The following CDH18 variants were observed in gnomAD, a reference collection of about 807,000 sequenced individuals.
The protein encoded by CDH18 is cadherin-18.
CDH18 carries 31 observed loss-of-function variants against 67.9 expected under a neutral mutation model. The ratio of observed to expected loss-of-function variants is 0.46; its 90% CI spans 0.34 to 0.62. CDH18 has a LOEUF of 0.62. Among genes scored for constraint, CDH18 ranks in the 20% least tolerant of loss-of-function variants. CDH18 has a pLI of 0.01. For synonymous variants in CDH18, 362 were observed against 347.2 expected, an observed-to-expected ratio of 1.04 and a Z score of -0.48; for missense variants, 890 against 975.5, an observed-to-expected ratio of 0.91 and a Z score of 1.17.
chr5:20,110,432 C>T (rs1747362902), intron 2 of CDH18, among the ~76,000 whole-genome samples: 1 of 148,720 alleles, frequency 6.7e-6, no homozygotes, highest in African/African-American at 2.5e-5. Context: ...TGTGTAATCC[C>T]AGCACTTTGG....
At chr5:19,674,380 T>C (rs1473334043) in intron 5 of CDH18, among the ~76,000 whole-genome samples, 1 of 152,168 alleles carries the variant, frequency 6.6e-6, no homozygotes, top group Non-Finnish European at 1.5e-5. Flanking sequence ...CCACAATTTA[T>C]CTAAATGTTT....
chr5:20,562,546 T>C lies in CDH18; in HGVS notation c.-580+12916A>G, dbSNP rs939974990. On this transcript the variant is annotated intron_variant, in intron 1 of 14. Coordinates refer to the CDH18 transcript ENST00000507958. ...TGTGTTTCACCTGCATTTAGTATTA[T>C]GATGTTAAACAGAATTAACTAGAAC... Among the ~76,000 whole-genome samples, 3 of 151,708 alleles carry C rather than the reference T, an allele frequency of 2.0e-5. No homozygotes were observed. The East Asian group carries it at 5.8e-4, about 29-fold the overall frequency.
At chr5:20,521,891 A>G (rs1383451622) in intron 1 of CDH18, among the ~76,000 whole-genome samples, 1 of 152,196 alleles carries the variant, frequency 6.6e-6, no homozygotes, top group African/African-American at 2.4e-5. Flanking sequence ...AAACCTGAAA[A>G]AAAACCCTCT....
intron 1 of CDH18, among the ~76,000 whole-genome samples, chr5:20,508,412 T>G (rs1754799503): frequency 6.7e-6 from 1 of 148,654 alleles, no homozygotes; most frequent in Non-Finnish European, 1.5e-5. Context: ...TAGTAGTATA[T>G]TATATCCTTT....
intron 2 of CDH18, among the ~76,000 whole-genome samples, chr5:20,173,158 T>C (rs185829232): frequency 1.3e-5 from 2 of 152,170 alleles, no homozygotes; most frequent in African/African-American, 4.8e-5. Flanking sequence ...GGAACCCCCA[T>C]GGCTGCTGCC....
chr5:19,910,469 C>A (rs1023882450), intron 2 of CDH18, among the ~76,000 whole-genome samples: 4 of 152,140 alleles, frequency 2.6e-5, no homozygotes, highest in Non-Finnish European at 1.5e-5. Flanking sequence ...TAGCTCTATT[C>A]AGTTGTACCC....
At chr5:19,769,749 A>T (rs1006765058) in intron 3 of CDH18, among the ~76,000 whole-genome samples, 7 of 152,074 alleles carry the variant, frequency 4.6e-5, no homozygotes, top group African/African-American at 1.4e-4. Context: ...TAGATAAATT[A>T]TATACATTAA....
At chr5:19,935,236 T>C (rs1794108672) in intron 2 of CDH18, among the ~76,000 whole-genome samples, 1 of 151,192 alleles carries the variant, frequency 6.6e-6, no homozygotes, top group Admixed American at 6.6e-5. Flanking sequence ...TGTCCCAACT[T>C]GGAAAGATGA....
chr5:19,691,114 T>C (rs893517393), intron 5 of CDH18, among the ~76,000 whole-genome samples: 3 of 152,000 alleles, frequency 2.0e-5, no homozygotes, highest in South Asian at 2.1e-4. Context: ...CAAGCACCGA[T>C]TGTTTAACAT....
chr5:20,182,555 T>G (rs1308244670), intron 2 of CDH18, among the ~76,000 whole-genome samples: 1 of 125,626 alleles, frequency 8.0e-6, no homozygotes, highest in Non-Finnish European at 1.6e-5. Context: ...TGAGCCAAGA[T>G]CATGCCATTG....
At chr5:19,836,750 A>C (rs1781689340) in intron 3 of CDH18, among the ~76,000 whole-genome samples, 1 of 152,134 alleles carries the variant, frequency 6.6e-6, no homozygotes, top group East Asian at 1.9e-4. Context: ...GCCCACGCCT[A>C]CATCCTGAAT....
chr5:20,347,540 G>T (rs1740800752), intron 1 of CDH18, among the ~76,000 whole-genome samples: 2 of 152,218 alleles, frequency 1.3e-5, no homozygotes, highest in Non-Finnish European at 2.9e-5. Flanking sequence ...CACCTAAACT[G>T]CCTATGCAGC....
At chr5:20,435,776 T>C (rs891271259) in intron 1 of CDH18, among the ~76,000 whole-genome samples, 1 of 152,008 alleles carries the variant, frequency 6.6e-6, no homozygotes, top group Non-Finnish European at 1.5e-5. Context: ...TTTAAGATAC[T>C]TAACTGTCAC....
intron 2 of CDH18, among the ~76,000 whole-genome samples, chr5:19,865,434 G>A (rs928469094): frequency 3.3e-5 from 5 of 152,042 alleles, no homozygotes; most frequent in Non-Finnish European, 5.9e-5. Flanking sequence ...TTCAAATGCT[G>A]GTAAATTCTA....
chr5:20,359,263 G>T (rs1319235709), intron 1 of CDH18, among the ~76,000 whole-genome samples: 1 of 151,982 alleles, frequency 6.6e-6, no homozygotes, highest in African/African-American at 2.4e-5. Context: ...CATTTACAAT[G>T]TCTAATATCT....
At chr5:19,904,837 G>C (rs1790361977) in intron 2 of CDH18, among the ~76,000 whole-genome samples, 1 of 152,258 alleles carries the variant, frequency 6.6e-6, no homozygotes, top group Non-Finnish European at 1.5e-5. Context: ...GGGAACAGGA[G>C]GAGGAAGGTC....
chr5:20,131,127 TA>T (rs1561815464), intron 2 of CDH18, among the ~76,000 whole-genome samples: 1 of 152,106 alleles, frequency 6.6e-6, no homozygotes, highest in Non-Finnish European at 1.5e-5. Flanking sequence ...CCCTTCTTCA[TA>T]AAAAGTCTCT....
intron 2 of CDH18, among the ~76,000 whole-genome samples, chr5:20,222,869 A>T (rs888627170): frequency 6.6e-6 from 1 of 152,086 alleles, no homozygotes; most frequent in Admixed American, 6.6e-5. Flanking sequence ...TTACATTTTT[A>T]AAAATATTTT....
At chr5:20,484,327 T>C (rs1753023201) in intron 1 of CDH18, among the ~76,000 whole-genome samples, 2 of 152,024 alleles carry the variant, frequency 1.3e-5, no homozygotes, top group South Asian at 4.1e-4. Context: ...ACACTGTTGG[T>C]GGGAATGTGA....
Sources: gnomAD v4.1 joint callset for allele counts (sites outside exome capture counted in the v4.1 genomes callset) on GRCh38, gnomAD v4.1.1 for gene constraint, MANE v1.5 for transcripts, NCBI Gene and HGNC (gene_info 2026-07-23, HGNC 2026-07-21) for gene names.